The following ITIH1 variants were observed in gnomAD, a reference collection of about 807,000 sequenced individuals.
ITIH1 encodes inter-alpha-trypsin inhibitor heavy chain H1.
ITIH1 carries 94 observed loss-of-function variants against 104.6 expected under a neutral mutation model. The ratio of observed to expected loss-of-function variants is 0.90; its 90% CI spans 0.76 to 1.07. ITIH1 has a LOEUF of 1.07. ITIH1 is among the 50% of genes least tolerant of loss of function. The probability of loss-of-function intolerance (pLI) is 0.00; values close to 1 mark genes in which losing one functional copy is unlikely to be tolerated. For synonymous variants in ITIH1, 455 were observed against 464.4 expected (o/e 0.98, Z 0.26); for missense variants, 1,193 against 1,181.4 (o/e 1.01, Z -0.14).
Position 52,779,547 on chromosome 3 carries a change from G to A in ITIH1, c.526G>A (p.Glu176Lys). ...GCTGAAGAGAAACCATATGCAGTAT[G>A]AAATTGTCATCAAAGTCAAGCCCAA... Reference protein sequence around the residue: ...EVLKRNHMQYEIVIKVKPKQL... With the variant: ...EVLKRNHMQYKIVIKVKPKQL... Residue 176 changes from glutamate to lysine, a missense_variant, in exon 5 of 22, where the codon GAA (glutamate) becomes AAA (lysine). By Grantham distance (56) the Glu-to-Lys change is moderately conservative. Transcript: ENST00000273283. The surrounding 1 kb of genome is among the most constrained non-coding windows in gnomAD (Gnocchi z 4.4). 6.2e-7 allele frequency: 1 copy of A among 1,614,210 alleles called. No homozygotes were observed. The highest frequency in any genetic ancestry group is 1.1e-5 in the South Asian group (1 of 91,088).
intron 2 of ITIH1, 100 bp downstream of exon 2, chr3:52,778,117 G>A (rs1698949386): frequency 2.9e-6 from 4 of 1,364,932 alleles, no homozygotes; most frequent in Non-Finnish European, 4.2e-6. Flanking sequence ...AGGGCCATAG[G>A]CATGGGGTAC....
At chr3:52,788,419 C>G (rs1298609039) in intron 18 of ITIH1, 74 bp downstream of exon 18, 1 of 1,043,794 alleles carries the variant, frequency 9.6e-7, no homozygotes, top group African/African-American at 1.6e-5. Context: ...AGGAACAGGA[C>G]TATGGCCAAG....
At chr3:52,780,032 G>C in intron 5 of ITIH1, 2 of 1,300,448 alleles carry the variant, frequency 1.5e-6, no homozygotes, top group East Asian at 5.2e-5. Context: ...TGTGATCAGG[G>C]CTGGGTGGGT....
intron 1 of ITIH1, 113 bp from the exon 2 acceptor site, chr3:52,777,884 G>C (rs984052328): frequency 1.4e-6 from 2 of 1,449,564 alleles, no homozygotes; most frequent in Non-Finnish European, 1.9e-6. Context: ...CCACCAAGGA[G>C]GTGAAGCTAA....
rs1699221656 is a variant in ITIH1, at chr3:52,787,042, A to G, written c.1831A>G (p.Ile611Val). 2 of 1,614,040 alleles carry G rather than the reference A, an allele frequency of 1.2e-6. No individual in the cohort carries two copies. Among genetic ancestry groups the G allele is most frequent in the Non-Finnish European group, 1.7e-6 (2 of 1,180,016 alleles). Residue 611 changes from isoleucine (I) to valine (V), a missense_variant, in exon 14 of 22, where the codon ATC (isoleucine) becomes GTC (valine). Transcript: ENST00000273283. The stretch of plus-strand genomic sequence containing the variant: ...TGTGACCCCACTGACCTCCATGAGC[A>G]TCAGGGGCATGGCGGACCAGGACGG... ...GFVTPLTSMSIRGMADQDGLK... is the reference protein window; with the variant it reads ...GFVTPLTSMSVRGMADQDGLK...
In ITIH1 at chr3:52,783,080, C is replaced by T; in HGVS notation, c.1054C>T (p.Leu352=). Reference sequence around the variant, plus strand: ...GCTGGTGCAAGCATCTGAGGCCAACCTACAAGCAGCTCAAGACTTTGTGCG... The same window carrying T: ...GCTGGTGCAAGCATCTGAGGCCAACTTACAAGCAGCTCAAGACTTTGTGCG... ...GSLVQASEAN[L]QAAQDFVRGF... is the part of the protein sequence containing the mutation. Residue 352 remains leucine, a synonymous_variant, in exon 9 of 22, where the codon CTA becomes TTA. Coordinates refer to ENST00000273283, the MANE Select transcript of ITIH1 (RefSeq NM_002215.4). 1 of 1,614,104 alleles carries T rather than the reference C, an allele frequency of 6.2e-7. No homozygotes were observed. The highest frequency in any genetic ancestry group is 1.1e-5 in the South Asian group (1 of 91,082).
At chr3:52,784,179 C>A in intron 10 of ITIH1, 117 bp from the exon 11 acceptor site, 3 of 882,408 alleles carry the variant, frequency 3.4e-6, no homozygotes, top group East Asian at 2.7e-5. Context: ...TGCCCAGGAG[C>A]CTGGAGATGC....
At chr3:52,790,034 G>GTA (rs1699311509) in intron 19 of ITIH1, 180 bp downstream of exon 19, 2 of 639,536 alleles carry the variant, frequency 3.1e-6, no homozygotes, top group Admixed American at 5.3e-5. Context: ...TACTGGATAT[G>GTA]TCCTCTGGGC....
At chr3:52,788,152 C>G (rs1464657019) in intron 17 of ITIH1, 80 bp from the exon 18 acceptor site, 46 of 1,511,360 alleles carry the variant, frequency 3.0e-5, no homozygotes, top group African/African-American at 4.1e-5. Flanking sequence ...CTCTCTGGGA[C>G]CTGCCTAGCT....
chr3:52,786,400 G>T lies in ITIH1; in HGVS notation c.1699G>T (p.Ala567Ser). 6.3e-7 allele frequency: 1 copy of T among 1,586,038 alleles called. No homozygotes were observed. The change falls in exon 13 of 22, where the codon GCC (alanine) becomes TCC (serine). Residue 567 changes from alanine (A) to serine (S), a missense_variant. By Grantham distance (99) the Ala-to-Ser change is moderately conservative (BLOSUM62 1). Coordinates refer to ENST00000273283, the MANE Select transcript of ITIH1 (RefSeq NM_002215.4). ...MLENHVERLWAYLTIQELLAK... is the reference protein window; with the variant it reads ...MLENHVERLWSYLTIQELLAK... ...GGAGAACCACGTCGAGCGCCTCTGG[G>T]CCTACCTCACCATCCAGGAGCTGCT...
chr3:52,779,644 T>G lies in ITIH1; in HGVS notation c.573+50T>G, dbSNP rs754514388. 1 of 1,599,592 alleles carries G rather than the reference T, an allele frequency of 6.3e-7. No homozygotes were observed. Among genetic ancestry groups the G allele is most frequent in the South Asian group, 1.1e-5 (1 of 90,678 alleles). ...GGTCCTGCCCCTCTCTCCGTCACCA[T>G]GGCTCCCAACACTGGTTGAGCACCC... On this transcript the variant is annotated intron_variant, in intron 5 of 21. Coordinates refer to ENST00000273283, the MANE Select transcript of ITIH1 (RefSeq NM_002215.4). This position sits in a 1 kb window ranked among gnomAD's most constrained non-coding sequence, Gnocchi z 4.4.
At position 52,780,296 on chromosome 3, in the gene ITIH1, G is replaced by C; in HGVS notation, c.601G>C (p.Gly201Arg). 6.2e-7 allele frequency: 1 copy of C among 1,613,952 alleles called. No individual in the cohort carries two copies. The highest frequency in any genetic ancestry group is 1.3e-5 in the African/African-American group (1 of 75,048). The change falls in exon 6 of 22, where the codon GGG becomes CGG. Residue 201 changes from glycine (G) to arginine (R), a missense_variant. Coordinates refer to ENST00000273283, the MANE Select transcript of ITIH1 (RefSeq NM_002215.4). ...TGATGTGGACATCTTCGAGCCCCAG[G>C]GGATCAGCAAGCTGGATGCCCAGGC... ...EIDVDIFEPQGISKLDAQASF... is the reference protein window; with the variant it reads ...EIDVDIFEPQRISKLDAQASF...
chr3:52,787,302 C>A, intron 15 of ITIH1, 100 bp downstream of exon 15: 1 of 1,490,470 alleles, frequency 6.7e-7, no homozygotes, highest in South Asian at 1.1e-5. Context: ...CCCCATTCTT[C>A]CCTGACTCCA....
At chr3:52,790,619 G>T (rs368053240) in intron 19 of ITIH1, 130 bp from the exon 20 acceptor site, 1 of 880,440 alleles carries the variant, frequency 1.1e-6, no homozygotes, top group Non-Finnish European at 1.8e-6. Context: ...GGTAACAGCC[G>T]GCCATCTGGG....
chr3:52,783,440 G>A (rs1699115540), intron 10 of ITIH1, 101 bp downstream of exon 10: 1 of 1,360,530 alleles, frequency 7.4e-7, no homozygotes, highest in Admixed American at 2.1e-5. Flanking sequence ...GCCATCAGGG[G>A]GCAGAAAAGC....
intron 8 of ITIH1, among the ~76,000 whole-genome samples, 164 bp from the exon 9 acceptor site, chr3:52,782,793 C>A (rs902276064): frequency 1.3e-5 from 2 of 152,072 alleles, no homozygotes; most frequent in Non-Finnish European, 2.9e-5. Flanking sequence ...CCTCATCCAC[C>A]CCAAGGCCCG....
chr3:52,788,062 C>T lies in ITIH1; in HGVS notation c.2001C>T (p.Thr667=), dbSNP rs369521422. Residue 667 remains threonine, a synonymous_variant, in exon 17 of 22, where the codon ACC becomes ACT. Coordinates refer to ENST00000273283, the MANE Select transcript of ITIH1 (RefSeq NM_002215.4). ...SNTQRLPDRV[T]GVDTDPHFII... ...CCCAGCGGCTGCCAGACCGAGTGAC[C>T]GGCGGTGAGTCCTTGGAAGGGTCTG... 36 of 1,602,690 alleles carry T rather than the reference C, an allele frequency of 2.2e-5. No individual in the cohort carries two copies. Among genetic ancestry groups the T allele is most frequent in the African/African-American group, 1.2e-4 (9 of 74,830 alleles).
At chr3:52,784,211 C>T in intron 10 of ITIH1, 85 bp from the exon 11 acceptor site, 4 of 1,227,440 alleles carry the variant, frequency 3.3e-6, no homozygotes, top group Non-Finnish European at 4.6e-6. Flanking sequence ...AGGCTTGAGC[C>T]CCAGGGAGTG....
chr3:52,777,974 T>G, intron 1 of ITIH1, 23 bp from the exon 2 acceptor site: 1 of 1,614,200 alleles, frequency 6.2e-7, no homozygotes, highest in Non-Finnish European at 8.5e-7. Context: ...CCTCTCACAC[T>G]TGACCCTGAT....
Sources: gnomAD v4.1 joint callset for allele counts (sites outside exome capture counted in the v4.1 genomes callset) on GRCh38, gnomAD v4.1.1 for gene constraint, Gnocchi (gnomAD v3.1) non-coding constraint, MANE v1.5 for transcripts, NCBI Gene and HGNC (gene_info 2026-07-23, HGNC 2026-07-21) for gene names.